The following CA5A variants were observed in gnomAD, a reference collection of about 807,000 sequenced individuals.
CA5A encodes the protein carbonic anhydrase 5A, mitochondrial.
Under a neutral mutation model 37.1 loss-of-function variants are expected in CA5A, and 28 were observed. That is an observed-to-expected ratio of 0.75 (90% CI 0.56 to 1.03). The LOEUF (loss-of-function observed/expected upper bound fraction) is 1.03, where lower values mean the gene tolerates loss of function less well. CA5A is among the 50% of genes least tolerant of loss of function. The probability of loss-of-function intolerance (pLI) is 0.00; values close to 1 mark genes in which losing one functional copy is unlikely to be tolerated. For missense variants in CA5A, 444 were observed against 399.9 expected, an observed-to-expected ratio of 1.11 and a Z score of -0.94; for synonymous variants, 171 against 158.4, an observed-to-expected ratio of 1.08 and a Z score of -0.60.
intron 5 of CA5A, among the ~76,000 whole-genome samples, chr16:87,900,494 T>C (rs1307699783): frequency 6.6e-6 from 1 of 152,250 alleles, no homozygotes; most frequent in Non-Finnish European, 1.5e-5. Flanking sequence ...TAACACAGGT[T>C]GAAGCCTCAT....
At chr16:87,924,181 A>G (rs1049471354) in intron 2 of CA5A, 2 of 985,318 alleles carry the variant, frequency 2.0e-6, no homozygotes, top group African/African-American at 3.5e-5. Context: ...TTGTCCTTCC[A>G]AGAAGTTGCA....
At chr16:87,907,665 C>T (rs1271039577) in intron 2 of CA5A, among the ~76,000 whole-genome samples, 1 of 152,206 alleles carries the variant, frequency 6.6e-6, no homozygotes, top group Admixed American at 6.5e-5. Context: ...TGGCTCACGC[C>T]TGTAATCCCA....
intron 2 of CA5A, among the ~76,000 whole-genome samples, chr16:87,905,319 C>T (rs2055944018): frequency 6.6e-6 from 1 of 152,186 alleles, no homozygotes; most frequent in Admixed American, 6.5e-5. Flanking sequence ...CACCAAATAA[C>T]ATTATAAAAT....
chr16:87,896,154 TAA>T (rs1465615958), intron 5 of CA5A, among the ~76,000 whole-genome samples: 1 of 152,206 alleles, frequency 6.6e-6, no homozygotes, highest in African/African-American at 2.4e-5. Context: ...CAGACAGATA[TAA>T]AAAACTTGCC....
intron 2 of CA5A, among the ~76,000 whole-genome samples, chr16:87,923,292 G>A (rs112686503): frequency 3.2e-4 from 49 of 152,210 alleles, no homozygotes; most frequent in Middle Eastern, 3.4e-3. Context: ...AAATTCAAGC[G>A]ATTCTCCTGC....
intron 2 of CA5A, among the ~76,000 whole-genome samples, chr16:87,914,435 C>G (rs534386630): frequency 1.3e-5 from 2 of 152,308 alleles, no homozygotes; most frequent in African/African-American, 4.8e-5. Context: ...GCGGCGGGTG[C>G]AGATGCGGAC....
intron 2 of CA5A, among the ~76,000 whole-genome samples, chr16:87,910,562 G>A (rs555229961): frequency 6.6e-6 from 1 of 152,204 alleles, no homozygotes; most frequent in East Asian, 1.9e-4. Flanking sequence ...CTGCAGACCT[G>A]GATAAAATAA....
At chr16:87,895,582 A>G (rs2055790140) in intron 5 of CA5A, among the ~76,000 whole-genome samples, 6 of 152,166 alleles carry the variant, frequency 3.9e-5, no homozygotes, top group Middle Eastern at 3.2e-3. Context: ...AAAAAAGTAA[A>G]TAAAAATTGA....
chr16:87,927,069 G>A (rs371471502), intron 1 of CA5A, 124 bp from the exon 2 acceptor site: 35 of 705,806 alleles, frequency 5.0e-5, no homozygotes, highest in African/African-American at 4.2e-4. Context: ...ACTGACCCAC[G>A]GGAAACGGGC....
intron 2 of CA5A, among the ~76,000 whole-genome samples, chr16:87,915,977 C>G (rs998096730): frequency 2.0e-5 from 3 of 151,928 alleles, no homozygotes; most frequent in Non-Finnish European, 1.5e-5. Flanking sequence ...GGGGAGGCCT[C>G]GCAATCACGG....
intron 5 of CA5A, 77 bp downstream of exon 5, chr16:87,901,835 C>A (rs1221530232): frequency 1.6e-6 from 2 of 1,242,574 alleles, no homozygotes; most frequent in Non-Finnish European, 2.3e-6. Context: ...GATCCACCTG[C>A]CTCAGCCTCC....
chr16:87,920,828 T>C (rs2056220357), intron 2 of CA5A, among the ~76,000 whole-genome samples: 1 of 151,982 alleles, frequency 6.6e-6, no homozygotes, highest in African/African-American at 2.4e-5. Context: ...GGTTTCACTC[T>C]TGTCACCCAG....
downstream of CA5A, chr16:87,886,866 G>A (rs2055652576): frequency 6.6e-6 from 1 of 152,036 alleles, no homozygotes; most frequent in Admixed American, 6.6e-5. Context: ...TCTCTGACAG[G>A]TACCACATTA....
At chr16:87,932,836 A>G (rs1244625320) in intron 1 of CA5A, among the ~76,000 whole-genome samples, 1 of 151,898 alleles carries the variant, frequency 6.6e-6, no homozygotes, top group Non-Finnish European at 1.5e-5. Context: ...TTCCCCCTTG[A>G]CCTCCATGGG....
intron 2 of CA5A, among the ~76,000 whole-genome samples, chr16:87,921,658 C>G (rs1309975805): frequency 2.6e-5 from 4 of 152,108 alleles, no homozygotes; most frequent in Non-Finnish European, 1.5e-5. Flanking sequence ...GGCTCGCTCC[C>G]AAGGAAAACA....
intron 1 of CA5A, among the ~76,000 whole-genome samples, 181 bp downstream of exon 1, chr16:87,936,128 C>T (rs890495812): frequency 2.1e-4 from 31 of 149,160 alleles, no homozygotes; most frequent in Admixed American, 4.7e-4. Context: ...GCTGAGATCA[C>T]GCCACTGTAC....
intron 2 of CA5A, among the ~76,000 whole-genome samples, chr16:87,918,914 G>A (rs74041842): frequency 9.2e-5 from 14 of 152,176 alleles, no homozygotes; most frequent in African/African-American, 2.9e-4. Flanking sequence ...GGAGGGGACC[G>A]GGAGCACGTG....
rs921477308 is a variant in CA5A at position 87,911,711 on chromosome 16, G to A, written c.341-6807C>T. ...ACTCCGCGACGATGGAACCTAGACT[G>A]CTCCCTGGAAGTTAGCCTCTGAGAC... On this transcript the variant is annotated intron_variant, in intron 2 of 6. Transcript: ENST00000649794. This position sits in a 1 kb window ranked among gnomAD's most constrained non-coding sequence, Gnocchi z 4.6. 6.6e-6 allele frequency among the ~76,000 whole-genome samples: 1 copy of A among 152,132 alleles called. No homozygotes were observed. The highest frequency in any genetic ancestry group is 6.5e-5 in the Admixed American group (1 of 15,278).
intron 5 of CA5A, among the ~76,000 whole-genome samples, chr16:87,899,918 TCAAAAAAAAAAAAAAA>T (rs1567518855): frequency 7.3e-5 from 2 of 27,442 alleles, no homozygotes; most frequent in East Asian, 1.1e-3. Flanking sequence ...AGATTTTATC[TCAAAAAAAAAAAAAAA>T]AAAAAAAAAA....
Sources: allele counts gnomAD v4.1 joint callset (sites outside exome capture counted in the v4.1 genomes callset), GRCh38; gene constraint gnomAD v4.1.1; non-coding constraint Gnocchi (gnomAD v3.1); transcripts MANE v1.5; gene names NCBI Gene and HGNC (gene_info 2026-07-23, HGNC 2026-07-21).